The following FAM120B variants were observed in gnomAD, a reference collection of about 807,000 sequenced individuals.
FAM120B encodes family with sequence similarity 120 member B, also known as constitutive coactivator of peroxisome proliferator-activated receptor gamma.
In FAM120B, 83 loss-of-function variants were observed where a neutral mutation model predicts 96.3. The observed-to-expected ratio is 0.86, with a 90% CI of 0.72 to 1.03. The LOEUF (loss-of-function observed/expected upper bound fraction) is 1.03. FAM120B is among the 50% of genes least tolerant of loss of function. The probability of loss-of-function intolerance (pLI) is 0.00; values close to 1 mark genes in which losing one functional copy is unlikely to be tolerated. For missense variants in FAM120B, 1,027 were observed against 1,121.2 expected, an observed-to-expected ratio of 0.92 and a Z score of 1.20; for synonymous variants, 407 against 402.7, an observed-to-expected ratio of 1.01 and a Z score of -0.13.
intron 6 of FAM120B, among the ~76,000 whole-genome samples, chr6:170,361,202 A>ATATACGTG (rs1562566654): frequency 2.6e-4 from 19 of 73,822 alleles, no homozygotes; most frequent in African/African-American, 5.5e-4. Context: ...ATACGTGTAT[A>ATATACGTG]TATATATATA....
chr6:170,384,942 G>A (rs1272133211), intron 6 of FAM120B, among the ~76,000 whole-genome samples: 1 of 152,200 alleles, frequency 6.6e-6, no homozygotes, highest in Non-Finnish European at 1.5e-5. Flanking sequence ...ACAGACAGAA[G>A]GTTAGTATGG....
At chr6:170,296,442 C>CGAGGGCG (rs1323586472) in intron 1 of FAM120B, among the ~76,000 whole-genome samples, 2 of 151,970 alleles carry the variant, frequency 1.3e-5, no homozygotes, top group African/African-American at 4.8e-5. Context: ...TGGGCCACTG[C>CGAGGGCG]GAGGGCGGAG....
At chr6:170,345,083 C>T (rs1283846886) in intron 4 of FAM120B, among the ~76,000 whole-genome samples, 1 of 152,190 alleles carries the variant, frequency 6.6e-6, no homozygotes. Flanking sequence ...CCTGTGTCAG[C>T]ACCTCCTGTG....
At position 170,329,871 on chromosome 6, in the gene FAM120B, C is replaced by T. The variant is rs1405063691; in HGVS notation, c.1916-578C>T. Reference sequence around the variant, plus strand: ...CCCAGCCCTGGACCAAGCCCACTGCCTCTTTCTGCCCCGCATCGAAGCCCT... The same window carrying T: ...CCCAGCCCTGGACCAAGCCCACTGCTTCTTTCTGCCCCGCATCGAAGCCCT... On this transcript the variant is annotated intron_variant, in intron 3 of 10. Coordinates refer to ENST00000476287, the MANE Select transcript of FAM120B (RefSeq NM_032448.3). Among the ~76,000 whole-genome samples the T allele has an allele frequency of 2.6e-5, 4 of 152,316 alleles. No individual in the cohort carries two copies. In the East Asian group the frequency reaches 7.7e-4, roughly 29 times the overall value.
At chr6:170,309,323 T>A (rs1480607896) in intron 1 of FAM120B, among the ~76,000 whole-genome samples, 1 of 152,210 alleles carries the variant, frequency 6.6e-6, no homozygotes, top group African/African-American at 2.4e-5. Flanking sequence ...TAAATTTCCC[T>A]AATATGAGAA....
intron 1 of FAM120B, among the ~76,000 whole-genome samples, chr6:170,301,650 C>T (rs1284669779): frequency 6.6e-6 from 1 of 152,142 alleles, no homozygotes; most frequent in Non-Finnish European, 1.5e-5. Flanking sequence ...ATTTCTTCCA[C>T]CAGATACCCT....
intron 5 of FAM120B, among the ~76,000 whole-genome samples, chr6:170,354,541 A>G (rs1779056129): frequency 6.6e-6 from 1 of 152,206 alleles, no homozygotes; most frequent in African/African-American, 2.4e-5. Flanking sequence ...TCCAGAGTCT[A>G]CAAAGAACTT....
At chr6:170,325,851 CAAAAA>C (rs35486860) in intron 3 of FAM120B, among the ~76,000 whole-genome samples, 2 of 119,480 alleles carry the variant, frequency 1.7e-5, no homozygotes, top group African/African-American at 3.3e-5. Context: ...GACTTCATCT[CAAAAA>C]AAAAAAAAAA....
In FAM120B at chr6:170,323,247, G is replaced by A; in HGVS notation, c.1903G>A (p.Glu635Lys). The change falls in exon 3 of 11, where the codon GAG becomes AAG. Residue 635 changes from glutamate (E) to lysine (K), a missense_variant. Physicochemically the swap from Glu to Lys is moderately conservative, Grantham distance 56. This residue lies in a region of FAM120B where 880 missense variants were observed against 980.9 expected (regional missense o/e 0.90). Coordinates refer to ENST00000476287, the MANE Select transcript of FAM120B (RefSeq NM_032448.3). ...ACAGCGGGTCTACTCACTCTTACTG[G>A]AGGACTGTCAAGGTGAGAATTGGTT... ...IRQRVYSLLL[E>K]DCQDVTSTCL... The A allele has an allele frequency of 6.2e-7, 1 of 1,613,056 alleles. No homozygotes were observed. Among genetic ancestry groups the A allele is most frequent in the East Asian group, 2.2e-5 (1 of 44,850 alleles).
chr6:170,336,856 TGC>T (rs1336915052), intron 4 of FAM120B, among the ~76,000 whole-genome samples: 1 of 152,204 alleles, frequency 6.6e-6, no homozygotes, highest in African/African-American at 2.4e-5. Flanking sequence ...TGTATAGGAA[TGC>T]TTGTGATTTT....
At chr6:170,312,855 G>A (rs1784670492) in intron 1 of FAM120B, among the ~76,000 whole-genome samples, 1 of 152,160 alleles carries the variant, frequency 6.6e-6, no homozygotes, top group Non-Finnish European at 1.5e-5. Flanking sequence ...AGGGGTGAGG[G>A]GATGGGAAAT....
intron 1 of FAM120B, among the ~76,000 whole-genome samples, chr6:170,316,926 G>A (rs1418922023): frequency 1.3e-5 from 2 of 152,140 alleles, no homozygotes; most frequent in Non-Finnish European, 2.9e-5. Flanking sequence ...ATCATAGTGT[G>A]TACTTTTTTT....
rs112570756 is a variant in FAM120B, at chr6:170,365,249, A to G, written c.2283+6931A>G. On this transcript the variant is annotated intron_variant, in intron 6 of 10. Coordinates refer to ENST00000476287, the MANE Select transcript of FAM120B (RefSeq NM_032448.3). ...TTCTGAGACCAAAATGTCATAAACC[A>G]AGGCTAATGAGAGGCTTATGTCTGA... Among the ~76,000 whole-genome samples, 223 of 152,354 alleles carry G rather than the reference A, an allele frequency of 1.5e-3. 1 individual carries two copies. Among genetic ancestry groups the G allele is most frequent in the African/African-American group, 5.1e-3 (210 of 41,580 alleles).
upstream of FAM120B, among the ~76,000 whole-genome samples, chr6:170,293,598 T>C (rs1309034910): frequency 6.6e-6 from 1 of 152,148 alleles, no homozygotes; most frequent in Admixed American, 6.5e-5. Context: ...GCCACGCGAT[T>C]CTGTATTGGG....
chr6:170,348,539 T>C lies in FAM120B; in HGVS notation c.2190+216T>C, dbSNP rs1302698279. On this transcript the variant is annotated intron_variant, in intron 5 of 10. Transcript: ENST00000476287. The stretch of plus-strand genomic sequence containing the variant: ...CTGTCACTACCTCAGCTTTAGAGAT[T>C]GTATTAGAGACTTAGGAAATCTTGC... Among the ~76,000 whole-genome samples, 6 of 152,182 alleles carry C rather than the reference T, an allele frequency of 3.9e-5. No individual in the cohort carries two copies. In the East Asian group the frequency reaches 1.2e-3, roughly 29 times the overall value.
chr6:170,345,272 G>C (rs1210377938), intron 4 of FAM120B, among the ~76,000 whole-genome samples: 3 of 152,118 alleles, frequency 2.0e-5, no homozygotes, highest in Non-Finnish European at 2.9e-5. Context: ...ATTTATTAAT[G>C]CCCTGCCCCA....
rs1784981990 is a variant in FAM120B, at chr6:170,317,642, G to A, written c.252G>A (p.Lys84=). The stretch of plus-strand genomic sequence containing the variant: ...AAACTTTTACGGCAGCTGGGATCAA[G>A]TTGATATTCTTCTTTGATGGCATGG... ...FVKTFTAAGI[K]LIFFFDGMVE... Residue 84 remains lysine, a synonymous_variant, in exon 2 of 11, where the codon AAG becomes AAA. Transcript: ENST00000476287. 6.2e-7 allele frequency: 1 copy of A among 1,614,074 alleles called. No homozygotes were observed. Among genetic ancestry groups the A allele is most frequent in the Non-Finnish European group, 8.5e-7 (1 of 1,180,046 alleles).
upstream of FAM120B, chr6:170,290,944 C>T (rs1469874304): frequency 1.9e-5 from 13 of 699,716 alleles, no homozygotes; most frequent in Non-Finnish European, 2.1e-5. The surrounding 1 kb of genome is among the most constrained non-coding windows in gnomAD (Gnocchi z 4.7). Flanking sequence ...TCGCCGGCGC[C>T]TGCCGCCCTT....
At chr6:170,377,014 A>G (rs534027925) in intron 6 of FAM120B, among the ~76,000 whole-genome samples, 5 of 141,242 alleles carry the variant, frequency 3.5e-5, no homozygotes, top group Admixed American at 7.0e-5. Context: ...GGGAGAACAC[A>G]GGCTCACGCT....
Sources: gnomAD v4.1 joint callset for allele counts (sites outside exome capture counted in the v4.1 genomes callset) on GRCh38, gnomAD v4.1.1 for gene constraint, gnomAD v4.1.1 regional missense constraint, Gnocchi (gnomAD v3.1) non-coding constraint, MANE v1.5 for transcripts, NCBI Gene and HGNC (gene_info 2026-07-23, HGNC 2026-07-21) for gene names.